TRIM54: variants seen among roughly 807,000 people sequenced by gnomAD.
TRIM54 encodes tripartite motif containing 54.
TRIM54 carries 40 observed loss-of-function variants against 42.0 expected under a neutral mutation model. The ratio of observed to expected loss-of-function variants is 0.95; its 90% CI spans 0.74 to 1.24. The LOEUF (loss-of-function observed/expected upper bound fraction) is 1.24, where lower values mean the gene tolerates loss of function less well. TRIM54 is among the 50% of genes most tolerant of loss of function. TRIM54 has a pLI of 0.00. For missense variants in TRIM54, 485 were observed against 480.3 expected (o/e 1.01, Z -0.09); for synonymous variants, 199 against 194.9 (o/e 1.02, Z -0.17).
At chr2:27,295,582 G>A (rs187291566) in intron 1 of TRIM54, among the ~76,000 whole-genome samples, 2,285 of 152,202 alleles carry the variant, frequency 0.015, 21 homozygotes, top group Non-Finnish European at 0.022. Context: ...CTGGGATTAC[G>A]GGCATGAGCC....
rs1474974478 is a variant in TRIM54, at chr2:27,286,305, T to A, written c.168+3406T>A. On this transcript the variant is annotated intron_variant, in intron 1 of 8. Coordinates refer to ENST00000380075, the MANE Select transcript of TRIM54 (RefSeq NM_187841.3). ...TTTTTGCATATTACATTCAAGCCCA[T>A]GTCCGCAAACATTTTTACATAGTGG... Among the ~76,000 whole-genome samples the A allele has an allele frequency of 2.0e-5, 3 of 152,096 alleles. No homozygotes were observed. The East Asian group carries it at 5.8e-4, about 29-fold the overall frequency.
At chr2:27,304,418 C>CA (rs1491524025) in intron 3 of TRIM54, among the ~76,000 whole-genome samples, 2 of 364 alleles carry the variant, frequency 5.5e-3, no homozygotes, top group Admixed American at 0.045. Context: ...GACTCCGTCT[C>CA]AAAAAAAATT....
intron 3 of TRIM54, among the ~76,000 whole-genome samples, chr2:27,304,319 G>A (rs998061746): frequency 7.1e-6 from 1 of 141,652 alleles, no homozygotes; most frequent in African/African-American, 2.6e-5. Context: ...GCTGGGCATG[G>A]TGGCTGGAAC....
At chr2:27,294,670 T>C (rs1678815000) in intron 1 of TRIM54, among the ~76,000 whole-genome samples, 1 of 151,898 alleles carries the variant, frequency 6.6e-6, no homozygotes, top group African/African-American at 2.4e-5. Flanking sequence ...GGTGGGCGGA[T>C]CATGAGGTCA....
At chr2:27,289,860 C>CTTTTTTTTT (rs756771152) in intron 1 of TRIM54, among the ~76,000 whole-genome samples, 8 of 100,634 alleles carry the variant, frequency 7.9e-5, no homozygotes, top group East Asian at 2.8e-4. Flanking sequence ...CTCTCTTTCT[C>CTTTTTTTTT]TTTTTTTTTT....
chr2:27,283,763 G>GGCACACACGCGCGCGCGCGC (rs1302528330), intron 1 of TRIM54, among the ~76,000 whole-genome samples: 4 of 103,782 alleles, frequency 3.9e-5, no homozygotes. Context: ...GAGGGGCAAA[G>GGCACACACGCGCGCGCGCGC]GCACACACAC....
intron 1 of TRIM54, among the ~76,000 whole-genome samples, chr2:27,296,431 G>A (rs1678868094): frequency 6.6e-6 from 1 of 152,220 alleles, no homozygotes; most frequent in Non-Finnish European, 1.5e-5. Context: ...GAATAACAGT[G>A]GCTTAAAGAG....
At chr2:27,299,975 A>G (rs1302449870) in intron 3 of TRIM54, among the ~76,000 whole-genome samples, 2 of 150,816 alleles carry the variant, frequency 1.3e-5, no homozygotes, top group South Asian at 2.1e-4. Context: ...GCCCAGCTCC[A>G]TTTATTTATT....
chr2:27,305,214 G>A, intron 4 of TRIM54, 160 bp downstream of exon 4: 2 of 640,570 alleles, frequency 3.1e-6, no homozygotes, highest in Non-Finnish European at 5.5e-6. Context: ...TGCTGGGTGT[G>A]CATTCCAGCT....
At chr2:27,283,423 G>A (rs1678442596) in intron 1 of TRIM54, among the ~76,000 whole-genome samples, 2 of 152,134 alleles carry the variant, frequency 1.3e-5, no homozygotes, top group South Asian at 4.1e-4. Context: ...TAGTGGGCAG[G>A]AGACTGGGAA....
intron 2 of TRIM54, among the ~76,000 whole-genome samples, 184 bp downstream of exon 2, chr2:27,298,923 G>C (rs1470846377): frequency 1.3e-5 from 2 of 152,168 alleles, no homozygotes; most frequent in Non-Finnish European, 2.9e-5. Flanking sequence ...TGATTCCCTA[G>C]CCAGTACTTC....
Position 27,306,026 on chromosome 2 carries a change from A to C in TRIM54, c.844-54A>C. On this transcript the variant is annotated intron_variant, in intron 5 of 8. Transcript: ENST00000380075. The surrounding 1 kb of genome is among the most constrained non-coding windows in gnomAD (Gnocchi z 6.1). Reference sequence around the variant, plus strand: ...GACTGTGGTGAGATTCAGAAATGGGACTTTGCCCAGGTTGGCCCAGTGCTT... The same window carrying C: ...GACTGTGGTGAGATTCAGAAATGGGCCTTTGCCCAGGTTGGCCCAGTGCTT... 6.2e-7 allele frequency: 1 copy of C among 1,609,390 alleles called. No homozygotes were observed. Among genetic ancestry groups the C allele is most frequent in the African/African-American group, 1.3e-5 (1 of 74,944 alleles).
intron 1 of TRIM54, among the ~76,000 whole-genome samples, chr2:27,286,747 G>A (rs1394402481): frequency 6.6e-6 from 1 of 152,198 alleles, no homozygotes; most frequent in Non-Finnish European, 1.5e-5. Context: ...AGGGGGGATT[G>A]TCAAGAAAGA....
At chr2:27,289,248 A>G (rs1217164328) in intron 1 of TRIM54, among the ~76,000 whole-genome samples, 15 of 152,212 alleles carry the variant, frequency 9.9e-5, no homozygotes, top group Admixed American at 9.2e-4. Flanking sequence ...AATATAATAC[A>G]TATGGTTATA....
chr2:27,297,700 T>C (rs185032028), intron 1 of TRIM54, among the ~76,000 whole-genome samples: 1 of 152,118 alleles, frequency 6.6e-6, no homozygotes, highest in Non-Finnish European at 1.5e-5. Context: ...ACTTAAGAGG[T>C]TGGGCATGGT....
At chr2:27,291,206 T>C (rs987937032) in intron 1 of TRIM54, among the ~76,000 whole-genome samples, 14 of 152,022 alleles carry the variant, frequency 9.2e-5, no homozygotes, top group African/African-American at 3.4e-4. Context: ...TATAAAGAAA[T>C]TAGCTGGGCA....
chr2:27,294,360 A>G (rs1297456971), intron 1 of TRIM54, among the ~76,000 whole-genome samples: 3 of 152,116 alleles, frequency 2.0e-5, no homozygotes, highest in South Asian at 2.1e-4. Flanking sequence ...CACTCAAGCC[A>G]TCCTGCTGCC....
intron 3 of TRIM54, among the ~76,000 whole-genome samples, chr2:27,299,865 C>T (rs1678982013): frequency 6.6e-6 from 1 of 151,700 alleles, no homozygotes; most frequent in Non-Finnish European, 1.5e-5. Flanking sequence ...GCCACCACAC[C>T]CAGCTTTTTT....
chr2:27,282,590 T>A lies in TRIM54; in HGVS notation c.-142T>A. 1.1e-6 allele frequency: 1 copy of A among 877,198 alleles called. No individual in the cohort carries two copies. Among genetic ancestry groups the A allele is most frequent in the Non-Finnish European group, 1.7e-6 (1 of 592,632 alleles). 54.3% of individuals were successfully genotyped at this position (877,198 alleles called of 1,614,324 possible). On this transcript the variant is annotated 5_prime_UTR_variant, in exon 1 of 9. Transcript: ENST00000380075. ...CTGCTATCTGGGACGAGACAAGTTG[T>A]TAAAGGGACAGGAGAGAAAGCAGAG...
Sources: gnomAD v4.1 joint callset for allele counts (sites outside exome capture counted in the v4.1 genomes callset) on GRCh38, gnomAD v4.1.1 for gene constraint, Gnocchi (gnomAD v3.1) non-coding constraint, MANE v1.5 for transcripts, NCBI Gene and HGNC (gene_info 2026-07-23, HGNC 2026-07-21) for gene names.